Variants in GUCY2D observed in about 807,000 individuals in gnomAD.
GUCY2D encodes retinal guanylyl cyclase 1.
GUCY2D carries 70 observed loss-of-function variants against 101.3 expected under a neutral mutation model. The observed-to-expected ratio is 0.69, with a 90% CI of 0.57 to 0.84. GUCY2D has a LOEUF of 0.84. GUCY2D is among the 40% of genes least tolerant of loss of function. GUCY2D has a pLI of 0.00. For missense variants in GUCY2D, 1,460 were observed against 1,542.5 expected (o/e 0.95, Z 0.90); for synonymous variants, 688 against 670.7 (o/e 1.03, Z -0.40).
intron 7 of GUCY2D, among the ~76,000 whole-genome samples, chr17:8,008,978 A>T (rs1975797227): frequency 6.6e-6 from 1 of 152,192 alleles, no homozygotes; most frequent in Non-Finnish European, 1.5e-5. Context: ...ATTCATGATG[A>T]TGGCAGGAGG....
At position 8,013,126 on chromosome 17, in the gene GUCY2D, C is replaced by A. The variant is rs763214827; in HGVS notation, c.2137C>A (p.Leu713Met). 2.5e-6 allele frequency: 4 copies of A among 1,613,312 alleles called. No homozygotes were observed. In the South Asian group the frequency reaches 4.4e-5, roughly 18 times the overall value. Residue 713 changes from leucine (L) to methionine (M), a missense_variant, in exon 11 of 20, where the codon CTG becomes ATG. Leu to Met is a conservative substitution (Grantham distance 15). Around this residue, in one of 3 missense-constraint regions of GUCY2D, gnomAD observed 1,196 missense variants for 1,229.6 expected, o/e 0.97. Transcript: ENST00000254854. This position sits in a 1 kb window ranked among gnomAD's most constrained non-coding sequence, Gnocchi z 5.0. Reference protein sequence around the residue: ...AEDQLWTAPELLRDPALERRG... With the variant: ...AEDQLWTAPEMLRDPALERRG... Reference sequence around the variant, plus strand: ...AGACCAGCTGTGGACAGCCCCGGAGCTGCTTAGGGACCCAGCCCTGGAGCG... The same window carrying A: ...AGACCAGCTGTGGACAGCCCCGGAGATGCTTAGGGACCCAGCCCTGGAGCG...
Position 8,013,572 on chromosome 17 carries a change from C to T in GUCY2D, c.2264-308C>T, listed in dbSNP as rs1975899629. The T allele has an allele frequency of 1.7e-6, 1 of 575,120 alleles. No individual in the cohort carries two copies. Among genetic ancestry groups the T allele is most frequent in the South Asian group, 2.0e-5 (1 of 48,914 alleles). 35.6% of individuals were successfully genotyped at this position (575,120 alleles called of 1,614,324 possible). ...AGCAGGGGAGGGGGAGTGGGTGCATCCCTTCTGCACAGGACTCTGAGCAAA... is the reference window on the plus strand; with the variant it reads ...AGCAGGGGAGGGGGAGTGGGTGCATTCCTTCTGCACAGGACTCTGAGCAAA... On this transcript the variant is annotated intron_variant, in intron 11 of 19. Coordinates refer to ENST00000254854, the MANE Select transcript of GUCY2D (RefSeq NM_000180.4). The surrounding 1 kb of genome is among the most constrained non-coding windows in gnomAD (Gnocchi z 5.0).
At chr17:8,012,657 AG>A (rs1206956180) in intron 10 of GUCY2D, 51 bp downstream of exon 10, 7 of 1,473,978 alleles carry the variant, frequency 4.7e-6, no homozygotes, top group Non-Finnish European at 6.6e-6. Flanking sequence ...CATTATTTCA[AG>A]GGCTTCTCCC....
In GUCY2D at chr17:8,014,921, C is replaced by G; in HGVS notation, c.2639C>G (p.Thr880Arg). Residue 880 changes from threonine (T) to arginine (R), a missense_variant, in exon 14 of 20, where the codon ACA becomes AGA. Transcript: ENST00000254854. This position sits in a 1 kb window ranked among gnomAD's most constrained non-coding sequence, Gnocchi z 4.0. ...GAGCCCGAGTACTTTGAGCAAGTGA[C>G]ACTGTACTTTAGTGACATTGTGGGC... ...PVEPEYFEQVTLYFSDIVGFT... is the reference protein window; with the variant it reads ...PVEPEYFEQVRLYFSDIVGFT... 6.2e-7 allele frequency: 1 copy of G among 1,614,102 alleles called. No homozygotes were observed. The highest frequency in any genetic ancestry group is 8.5e-7 in the Non-Finnish European group (1 of 1,179,980).
chr17:8,016,524 C>A lies in GUCY2D; in HGVS notation c.3306C>A (p.Phe1102Leu). The change falls in exon 19 of 20, where the codon TTC becomes TTA. Residue 1102 changes from phenylalanine (F) to leucine (L), a missense_variant. Physicochemically the swap from Phe to Leu is conservative, Grantham distance 22. Coordinates refer to ENST00000254854, the MANE Select transcript of GUCY2D (RefSeq NM_000180.4). ...TGGAGAAGGCGCGGCCGGGCCAGTT[C>A]TCTTGAGAAGTGAGGCCCGGCCCCG... ...RKLEKARPGQFS is the reference protein window; with the variant it reads ...RKLEKARPGQLS The A allele has an allele frequency of 1.3e-6, 2 of 1,562,314 alleles. No homozygotes were observed. Among genetic ancestry groups the A allele is most frequent in the South Asian group, 1.2e-5 (1 of 85,360 alleles).
In GUCY2D at chr17:8,014,496, G is replaced by C; in HGVS notation, c.2413-105G>C. The C allele has an allele frequency of 1.9e-6, 2 of 1,036,992 alleles. No individual in the cohort carries two copies. Among genetic ancestry groups the C allele is most frequent in the South Asian group, 2.5e-5 (2 of 78,876 alleles). 64.2% of individuals were successfully genotyped at this position (1,036,992 alleles called of 1,614,324 possible). On this transcript the variant is annotated intron_variant, in intron 12 of 19. Coordinates refer to ENST00000254854, the MANE Select transcript of GUCY2D (RefSeq NM_000180.4). The surrounding 1 kb of genome is among the most constrained non-coding windows in gnomAD (Gnocchi z 4.0). ...GTAGATGAATGGTGGCAGCGGGGTT[G>C]GGGTTCAGAGTGAACAGCCCCATGA...
Position 8,002,822 on chromosome 17 carries a change from G to C in GUCY2D, c.-10+88G>C, listed in dbSNP as rs1001909837. 1.9e-6 allele frequency: 1 copy of C among 524,344 alleles called. No homozygotes were observed. The highest frequency in any genetic ancestry group is 2.0e-5 in the African/African-American group (1 of 49,122). The allele number at this position is 524,344 out of a possible 1,614,324, so 32.5% of individuals were successfully genotyped here. A position where few individuals can be genotyped will look rare whatever the true frequency, so the allele number is the denominator to read the frequency against. ...TGACCCCTGACGCCTCCGACGGGGG[G>C]AGGGGCAGGCCGGGTGGGAGCGGGA... On this transcript the variant is annotated intron_variant, in intron 1 of 19. Transcript: ENST00000254854. The surrounding 1 kb of genome is among the most constrained non-coding windows in gnomAD (Gnocchi z 4.9).
rs143938678 is a variant in GUCY2D at position 8,011,596 on chromosome 17, G to A, written c.1750-548G>A. Among the ~76,000 whole-genome samples, 184 of 152,240 alleles carry A rather than the reference G, an allele frequency of 1.2e-3. 1 individual carries two copies. In the East Asian group the frequency reaches 0.029, roughly 24 times the overall value. On this transcript the variant is annotated intron_variant, in intron 8 of 19. Coordinates refer to ENST00000254854, the MANE Select transcript of GUCY2D (RefSeq NM_000180.4). The surrounding 1 kb of genome is among the most constrained non-coding windows in gnomAD (Gnocchi z 4.3). ...CCAGCACTTTGGGAGGCTGAGGTGG[G>A]AGGATCATTTGAAGCCAGGAGTTCA...
At position 8,015,366 on chromosome 17, in the gene GUCY2D, G is replaced by A. The variant is rs1183105719; in HGVS notation, c.2808G>A (p.Gly936=). ...GGGACGCCTATATGGTGGCCTCGGG[G>A]CTGCCCCAGCGGAATGGGCAGCGAC... ...TIGDAYMVAS[G]LPQRNGQRHA... is the part of the protein sequence containing the mutation. The change falls in exon 15 of 20, where the codon GGG becomes GGA. Residue 936 remains glycine (G), a synonymous_variant. Coordinates refer to ENST00000254854, the MANE Select transcript of GUCY2D (RefSeq NM_000180.4). 1 of 1,611,422 alleles carries A rather than the reference G, an allele frequency of 6.2e-7. No homozygotes were observed. Among genetic ancestry groups the A allele is most frequent in the Non-Finnish European group, 8.5e-7 (1 of 1,179,998 alleles).
At chr17:8,016,345 T>TC in intron 18 of GUCY2D, 55 bp downstream of exon 18, 1 of 1,443,418 alleles carries the variant, frequency 6.9e-7, no homozygotes, top group Non-Finnish European at 9.5e-7. Context: ...TGCCTCCTGC[T>TC]CTGTGTCTGA....
In GUCY2D at chr17:8,003,537, G is replaced by A. The variant is rs1017653960; in HGVS notation, c.490G>A (p.Ala164Thr). Residue 164 changes from alanine to threonine, a missense_variant, in exon 2 of 20, where the codon GCC (alanine) becomes ACC (threonine). Transcript: ENST00000254854. ...WTQAEGTTAPAVTPAADALYA... is the reference protein window; with the variant it reads ...WTQAEGTTAPTVTPAADALYA... ...GCAGGCGGAGGGCACCACGGCCCCT[G>A]CCGTGACCCCCGCCGCGGATGCCCT... 26 of 1,548,384 alleles carry A rather than the reference G, an allele frequency of 1.7e-5. No homozygotes were observed. Among genetic ancestry groups the A allele is most frequent in the Non-Finnish European group, 2.1e-5 (24 of 1,154,576 alleles).
At position 8,006,538 on chromosome 17, in the gene GUCY2D, C is replaced by A; in HGVS notation, c.1202C>A (p.Pro401Gln). The A allele has an allele frequency of 6.2e-7, 1 of 1,612,362 alleles. No individual in the cohort carries two copies. The highest frequency in any genetic ancestry group is 1.1e-5 in the South Asian group (1 of 91,088). The change falls in exon 4 of 20, where the codon CCA becomes CAA. Residue 401 changes from proline (P) to glutamine (Q), a missense_variant. By Grantham distance (76) the Pro-to-Gln change is moderately conservative. Coordinates refer to ENST00000254854, the MANE Select transcript of GUCY2D (RefSeq NM_000180.4). ...GACCTAGGAGGAGACGAGGAGCCCC[C>A]ATTCGTGCTGCTAGACACGGACGCG... ...CGDLGGDEEP[P>Q]FVLLDTDAAG...
rs1265017982 is a variant in GUCY2D at position 8,007,152 on chromosome 17, G to C, written c.1463+8G>C. The C allele has an allele frequency of 1.3e-6, 2 of 1,586,842 alleles. No homozygotes were observed. The highest frequency in any genetic ancestry group is 4.5e-5 in the East Asian group (2 of 44,766). On this transcript the variant is annotated splice_region_variant and intron_variant, in intron 5 of 19. Transcript: ENST00000254854. Reference sequence around the variant, plus strand: ...CCTGGCCCATTATGTGAGGTGAGTAGTGGAATGAGGTAAGTAGGAAGTGAG... The same window carrying C: ...CCTGGCCCATTATGTGAGGTGAGTACTGGAATGAGGTAAGTAGGAAGTGAG...
intron 14 of GUCY2D, 65 bp downstream of exon 14, chr17:8,015,116 C>A: frequency 7.2e-7 from 1 of 1,389,354 alleles, no homozygotes; most frequent in Non-Finnish European, 1.0e-6. Flanking sequence ...CCAGCCCAGC[C>A]CTTCCTGCGC....
rs1214940387 is a variant in GUCY2D at position 8,003,371 on chromosome 17, G to A, written c.324G>A (p.Pro108=). The change falls in exon 2 of 20, where the codon CCG becomes CCA. Residue 108 remains proline, a synonymous_variant. Transcript: ENST00000254854. The part of the protein sequence containing the change: ...VALLPEPCRT[P]GSLGAVSSAL... ...TGCTGCCCGAGCCTTGCCGGACGCC[G>A]GGCTCGCTGGGGGCCGTGTCCTCCG... The A allele has an allele frequency of 1.4e-6, 2 of 1,465,020 alleles. No individual in the cohort carries two copies. The allele number at this position is 1,465,020 out of a possible 1,614,324, so 90.8% of individuals were successfully genotyped here. A position where few individuals can be genotyped will look rare whatever the true frequency, so the allele number is the denominator to read the frequency against.
At position 8,015,320 on chromosome 17, in the gene GUCY2D, T is replaced by TC; in HGVS notation, c.2770-3dup. On this transcript the variant is annotated splice_region_variant and splice_polypyrimidine_tract_variant and intron_variant, in intron 14 of 19. Transcript: ENST00000254854. ...AAAGAAAATTCACACAACTCCTTCTTCCCCCAGGTGGAGACAATAGGGGAC... is the reference window on the plus strand; with the variant it reads ...AAAGAAAATTCACACAACTCCTTCTTCCCCCCAGGTGGAGACAATAGGGGAC... The TC allele has an allele frequency of 1.2e-6, 2 of 1,603,320 alleles. No individual in the cohort carries two copies. Among genetic ancestry groups the TC allele is most frequent in the Non-Finnish European group, 1.7e-6 (2 of 1,179,308 alleles).
chr17:8,012,638 CG>C (rs2151802620), intron 10 of GUCY2D, 32 bp downstream of exon 10: 3 of 1,570,108 alleles, frequency 1.9e-6, no homozygotes, highest in Non-Finnish European at 2.6e-6. Context: ...GAGGATCCAC[CG>C]GGATCCCCAT....
intron 8 of GUCY2D, among the ~76,000 whole-genome samples, chr17:8,010,023 G>C (rs541841155): frequency 6.6e-6 from 1 of 152,044 alleles, no homozygotes; most frequent in East Asian, 1.9e-4. Flanking sequence ...CCCTGGAGTA[G>C]GCTTTCATTA....
intron 5 of GUCY2D, 28 bp downstream of exon 5, chr17:8,007,172 A>G: frequency 2.0e-6 from 3 of 1,520,138 alleles, no homozygotes; most frequent in Non-Finnish European, 2.7e-6. Context: ...GTAAGTAGGA[A>G]GTGAGCTTGT....
Sources: gnomAD v4.1 joint callset for allele counts (sites outside exome capture counted in the v4.1 genomes callset) on GRCh38, gnomAD v4.1.1 for gene constraint, gnomAD v4.1.1 regional missense constraint, Gnocchi (gnomAD v3.1) non-coding constraint, MANE v1.5 for transcripts, NCBI Gene and HGNC (gene_info 2026-07-23, HGNC 2026-07-21) for gene names.